The following MTFR1 variants were observed in gnomAD, a reference collection of about 807,000 sequenced individuals.
MTFR1 encodes mitochondrial fission regulator 1, also known as chondrocyte protein with a poly-proline region.
MTFR1 carries 28 observed loss-of-function variants against 38.8 expected under a neutral mutation model. The ratio of observed to expected loss-of-function variants is 0.72; its 90% CI spans 0.53 to 0.99. The LOEUF (loss-of-function observed/expected upper bound fraction) is 0.99. Ranked by LOEUF, MTFR1 falls within the 50% of genes least tolerant of loss-of-function variation. The pLI is 0.00. For missense variants in MTFR1, 358 were observed against 395.5 expected, an observed-to-expected ratio of 0.91 and a Z score of 0.81; for synonymous variants, 145 against 137.0, an observed-to-expected ratio of 1.06 and a Z score of -0.41.
At chr8:65,713,153 A>C (rs960019290), downstream of MTFR1, among the ~76,000 whole-genome samples, 4 of 152,236 alleles carry the variant, frequency 2.6e-5, no homozygotes, top group African/African-American at 9.6e-5. Context: ...TATTAAAAAC[A>C]GGAGTGGCCG....
chr8:65,708,022 T>G lies in MTFR1; in HGVS notation c.933+11T>G. On this transcript the variant is annotated intron_variant, in intron 7 of 7. Coordinates refer to ENST00000262146, the MANE Select transcript of MTFR1 (RefSeq NM_014637.4). The stretch of plus-strand genomic sequence containing the variant: ...TCAGAGAGAGTGTTGGTGAGTTATT[T>G]GCCCAGATTTCTTTCCTGTTATGTA... 6.2e-7 allele frequency: 1 copy of G among 1,610,714 alleles called. No homozygotes were observed. The highest frequency in any genetic ancestry group is 2.2e-5 in the East Asian group (1 of 44,880).
intron 1 of MTFR1, among the ~76,000 whole-genome samples, chr8:65,664,353 A>G (rs1804311169): frequency 6.6e-6 from 1 of 152,218 alleles, no homozygotes; most frequent in East Asian, 1.9e-4. Flanking sequence ...GTAATTTGTA[A>G]ACAACATGAA....
intron 3 of MTFR1, chr8:65,689,521 A>G (rs1279250640): frequency 3.3e-6 from 4 of 1,197,934 alleles, no homozygotes; most frequent in Non-Finnish European, 4.3e-6. Context: ...TTTGAAAAAA[A>G]ATTTCTATCT....
At chr8:65,702,441 A>G (rs1489484799) in intron 4 of MTFR1, among the ~76,000 whole-genome samples, 2 of 151,306 alleles carry the variant, frequency 1.3e-5, no homozygotes, top group African/African-American at 4.8e-5. Context: ...CTGGTATTAC[A>G]GGCACCCGCC....
At chr8:65,732,252 G>T (rs1806924375) in intron 3 of MTFR1, among the ~76,000 whole-genome samples, 1 of 152,078 alleles carries the variant, frequency 6.6e-6, no homozygotes, top group Non-Finnish European at 1.5e-5. Context: ...ACCAGCCTCG[G>T]CCTCCCAAAA....
At chr8:65,649,544 G>A (rs575385283) in intron 1 of MTFR1, among the ~76,000 whole-genome samples, 16 of 152,170 alleles carry the variant, frequency 1.1e-4, no homozygotes, top group African/African-American at 3.9e-4. Flanking sequence ...TATGGGGTAC[G>A]TGAGATATTT....
intron 3 of MTFR1, among the ~76,000 whole-genome samples, chr8:65,755,796 T>C (rs1296346546): frequency 1.3e-5 from 2 of 152,216 alleles, no homozygotes; most frequent in Admixed American, 1.3e-4. Context: ...ATTTCTTTCT[T>C]ATTCTCTTTG....
chr8:65,722,040 C>T (rs1362502251), intron 3 of MTFR1: 1 of 152,194 alleles, frequency 6.6e-6, no homozygotes, highest in Non-Finnish European at 1.5e-5. Context: ...ATCAGCCCGC[C>T]TCGGCTTCCC....
At chr8:65,696,417 T>A (rs1372282255) in intron 4 of MTFR1, among the ~76,000 whole-genome samples, 1 of 152,216 alleles carries the variant, frequency 6.6e-6, no homozygotes, top group East Asian at 1.9e-4. Flanking sequence ...CTCAGTCTCC[T>A]TCAATGGTAA....
At chr8:65,749,493 T>TA (rs1044749764) in intron 3 of MTFR1, among the ~76,000 whole-genome samples, 6 of 152,152 alleles carry the variant, frequency 3.9e-5, no homozygotes, top group Non-Finnish European at 7.4e-5. Context: ...TAACTTACTT[T>TA]AAAAAAAGGA....
intron 3 of MTFR1, among the ~76,000 whole-genome samples, chr8:65,734,590 C>T (rs1807044137): frequency 1.3e-5 from 2 of 152,142 alleles, no homozygotes; most frequent in African/African-American, 4.8e-5. Context: ...GCTTCTCCAG[C>T]CTCTCTCTCA....
intron 3 of MTFR1, among the ~76,000 whole-genome samples, chr8:65,746,685 T>G (rs978529851): frequency 2.6e-5 from 4 of 152,178 alleles, no homozygotes; most frequent in Non-Finnish European, 5.9e-5. Context: ...ATACTACTAG[T>G]AGAAATCATT....
chr8:65,706,915 G>T (rs531311844), intron 5 of MTFR1, 95 bp from the exon 6 acceptor site: 43 of 1,374,304 alleles, frequency 3.1e-5, no homozygotes, highest in Middle Eastern at 2.2e-4. Flanking sequence ...GTTTTTAGGG[G>T]TACAAAAATC....
At chr8:65,752,105 T>G (rs1006321425) in intron 3 of MTFR1, among the ~76,000 whole-genome samples, 1 of 152,268 alleles carries the variant, frequency 6.6e-6, no homozygotes, top group Non-Finnish European at 1.5e-5. Flanking sequence ...CAGCTTGAGA[T>G]ATCATCCTCT....
At chr8:65,743,581 T>C (rs149438580) in intron 3 of MTFR1, among the ~76,000 whole-genome samples, 3 of 152,326 alleles carry the variant, frequency 2.0e-5, no homozygotes, top group African/African-American at 7.2e-5. Context: ...GACAAAGGTA[T>C]TTCCACTAGG....
At chr8:65,687,424 C>T (rs1805121578) in intron 3 of MTFR1, among the ~76,000 whole-genome samples, 1 of 149,782 alleles carries the variant, frequency 6.7e-6, no homozygotes, top group Admixed American at 6.7e-5. Context: ...TGGCTCATTG[C>T]AAGCTCTGCC....
intron 3 of MTFR1, chr8:65,747,697 T>C: frequency 6.2e-7 from 1 of 1,611,936 alleles, no homozygotes; most frequent in Non-Finnish European, 8.5e-7. Flanking sequence ...TTAGGGAATT[T>C]GAAACCGCAG....
intron 2 of MTFR1, among the ~76,000 whole-genome samples, chr8:65,678,482 CAGA>C: frequency 6.6e-6 from 1 of 152,242 alleles, no homozygotes; most frequent in African/African-American, 2.4e-5. Flanking sequence ...TCACAAGTAA[CAGA>C]AGAACACATT....
chr8:65,652,819 CT>C (rs1809157705), intron 1 of MTFR1, among the ~76,000 whole-genome samples: 1 of 152,188 alleles, frequency 6.6e-6, no homozygotes, highest in South Asian at 2.1e-4. Flanking sequence ...GATAATTTGA[CT>C]TCTTCCTTTC....
Sources: gnomAD v4.1 joint callset for allele counts (sites outside exome capture counted in the v4.1 genomes callset) on GRCh38, gnomAD v4.1.1 for gene constraint, MANE v1.5 for transcripts, NCBI Gene and HGNC (gene_info 2026-07-23, HGNC 2026-07-21) for gene names.